ATM: variants seen among roughly 807,000 people sequenced by gnomAD.
ATM encodes the protein serine-protein kinase ATM.
In ATM, 308 loss-of-function variants were observed where a neutral mutation model predicts 387.0. The ratio of observed to expected loss-of-function variants is 0.80; its 90% CI spans 0.73 to 0.87. ATM has a LOEUF of 0.87. ATM is among the 40% of genes least tolerant of loss of function. The pLI is 0.00. For missense variants in ATM, 3,312 were observed against 3,560.9 expected (o/e 0.93, Z 1.78); for synonymous variants, 1,156 against 1,187.3 (o/e 0.97, Z 0.54).
chr11:108,314,470 G>A (rs1359993231), intron 40 of ATM, among the ~76,000 whole-genome samples: 1 of 150,198 alleles, frequency 6.7e-6, no homozygotes, highest in Non-Finnish European at 1.5e-5. Flanking sequence ...TTTTTTTTAT[G>A]TGATATAAGC....
rs1057521911 is a variant in ATM at position 108,267,353 on chromosome 11, A to G, written c.2638+11A>G. On this transcript the variant is annotated intron_variant, in intron 17 of 62. Coordinates refer to ENST00000675843, the MANE Select transcript of ATM (RefSeq NM_000051.4). ...GCCAAAGTACCATAGGTAAATACATATTTACTACTTGGGATTTCTTTTACT... is the reference window on the plus strand; with the variant it reads ...GCCAAAGTACCATAGGTAAATACATGTTTACTACTTGGGATTTCTTTTACT... 4.3e-6 allele frequency: 7 copies of G among 1,612,814 alleles called. No homozygotes were observed. Among genetic ancestry groups the G allele is most frequent in the East Asian group, 4.5e-5 (2 of 44,846 alleles).
chr11:108,279,937 A>T lies in ATM; in HGVS notation c.3402+329A>T, dbSNP rs11212579. ...AAGCTAATTAAGGGAACAGGTGACA[A>T]TGGGAAGAAATGGATTGAGGAGAAG... is the stretch of plus-strand genomic sequence containing the variant. On this transcript the variant is annotated intron_variant, in intron 23 of 62. Transcript: ENST00000675843. Among the ~76,000 whole-genome samples the T allele has an allele frequency of 0.52, 79,545 of 152,054 alleles. 21,675 individuals are homozygous for T. Among genetic ancestry groups the T allele is most frequent in the Middle Eastern group, 0.73 (215 of 294 alleles).
In ATM at chr11:108,366,719, A is replaced by C. The variant is rs926586432; in HGVS notation, c.*1211A>C. On this transcript the variant is annotated 3_prime_UTR_variant, in exon 63 of 63. Coordinates refer to ENST00000675843, the MANE Select transcript of ATM (RefSeq NM_000051.4). ...GATAGGAGATTTCCCAGGCCAAGGC[A>C]AACACACTTCCTCCTCATCTCCTTG... 4.3e-6 allele frequency: 1 copy of C among 231,256 alleles called. No individual in the cohort carries two copies. Among genetic ancestry groups the C allele is most frequent in the African/African-American group, 2.2e-5 (1 of 45,240 alleles). The allele number at this position is 231,256 out of a possible 1,614,324, so 14.3% of individuals were successfully genotyped here.
chr11:108,349,392 C>T (rs368592120), intron 59 of ATM, among the ~76,000 whole-genome samples: 11 of 151,568 alleles, frequency 7.3e-5, no homozygotes, highest in South Asian at 2.1e-4. Context: ...CTGCCAGGCG[C>T]GGTGGATCAC....
chr11:108,312,548 G>A (rs1473913814), intron 40 of ATM, 50 bp downstream of exon 40: 2 of 1,385,450 alleles, frequency 1.4e-6, no homozygotes, highest in African/African-American at 2.9e-5. Context: ...CTCATACTTT[G>A]GGTTATTTTG....
rs762557654 is a variant in ATM, at chr11:108,248,973, C to T, written c.1106C>T (p.Ser369Phe). Reference protein sequence around the residue: ...EDTRSLEISQSYTTTQRESSD... With the variant: ...EDTRSLEISQFYTTTQRESSD... ...ACCAGATCCTTGGAGATTTCTCAAT[C>T]TTACACTACTACACAAAGAGAATCT... The change falls in exon 9 of 63, where the codon TCT becomes TTT. Residue 369 changes from serine (S) to phenylalanine (F), a missense_variant. Physicochemically the swap from Ser to Phe is radical, Grantham distance 155 (BLOSUM62 -2). Coordinates refer to ENST00000675843, the MANE Select transcript of ATM (RefSeq NM_000051.4). 3 of 1,612,002 alleles carry T rather than the reference C, an allele frequency of 1.9e-6. No individual in the cohort carries two copies. The highest frequency in any genetic ancestry group is 8.5e-7 in the Non-Finnish European group (1 of 1,178,438).
rs1433672958 is a variant in ATM at position 108,289,751 on chromosome 11, C to A, written c.4386C>A (p.Ala1462=). 2 of 1,613,604 alleles carry A rather than the reference C, an allele frequency of 1.2e-6. No individual in the cohort carries two copies. The highest frequency in any genetic ancestry group is 2.2e-5 in the South Asian group (2 of 91,046). ...DIKSGLGGAW[A]FVLRDVIYTL... ...AAAGTGGCTTAGGAGGAGCTTGGGC[C>A]TTTGTTCTTCGAGACGTTATTTATA... The change falls in exon 29 of 63, where the codon GCC becomes GCA. Residue 1462 remains alanine, a synonymous_variant. Coordinates refer to ENST00000675843, the MANE Select transcript of ATM (RefSeq NM_000051.4).
chr11:108,302,476 C>A (rs1406330504), intron 35 of ATM, among the ~76,000 whole-genome samples: 1 of 151,822 alleles, frequency 6.6e-6, no homozygotes, highest in Non-Finnish European at 1.5e-5. Context: ...AATAATATAA[C>A]CTGGAAGGCA....
chr11:108,251,117 C>G (rs369938388), intron 10 of ATM, 45 bp downstream of exon 10: 1 of 1,610,980 alleles, frequency 6.2e-7, no homozygotes. Context: ...TAAACACACA[C>G]AGACACACAC....
intron 26 of ATM, among the ~76,000 whole-genome samples, chr11:108,285,205 C>T (rs2082430152): frequency 6.6e-6 from 1 of 152,136 alleles, no homozygotes; most frequent in Non-Finnish European, 1.5e-5. Context: ...GGTGATCTTC[C>T]CACCTCAGCC....
chr11:108,316,738 T>C (rs563085630), intron 42 of ATM, among the ~76,000 whole-genome samples: 360 of 127,294 alleles, frequency 2.8e-3, no homozygotes, highest in Non-Finnish European at 4.3e-3. Context: ...TGAAACCCCG[T>C]CTCTACTAAA....
chr11:108,303,122 C>T, intron 36 of ATM, 93 bp downstream of exon 36: 3 of 1,212,170 alleles, frequency 2.5e-6, no homozygotes, highest in Non-Finnish European at 3.5e-6. Flanking sequence ...CACATAATAT[C>T]ACCCCCACTC....
intron 22 of ATM, among the ~76,000 whole-genome samples, chr11:108,278,543 G>T (rs1239227653): frequency 3.9e-5 from 6 of 152,114 alleles, no homozygotes; most frequent in Non-Finnish European, 8.8e-5. Flanking sequence ...CCTGAGGCTG[G>T]ATATTTACAA....
intron 5 of ATM, among the ~76,000 whole-genome samples, chr11:108,238,393 A>G (rs1473071297): frequency 2.0e-5 from 3 of 151,966 alleles, no homozygotes; most frequent in Non-Finnish European, 4.4e-5. Flanking sequence ...CTCAAGTGAT[A>G]CCCTTCCCTT....
rs1175615935 is a variant in ATM at position 108,367,200 on chromosome 11, G to C, written c.*1692G>C. 5.6e-6 allele frequency: 1 copy of C among 178,092 alleles called. No homozygotes were observed. Among genetic ancestry groups the C allele is most frequent in the African/African-American group, 2.4e-5 (1 of 42,232 alleles). 11.0% of individuals were successfully genotyped at this position (178,092 alleles called of 1,614,324 possible). ...GACGGAGTTTCACCGTGTTAGCCAG[G>C]ATGGTCTCGATCGCTTGACCTCGTG... is the stretch of plus-strand genomic sequence containing the variant. On this transcript the variant is annotated 3_prime_UTR_variant, in exon 63 of 63. Transcript: ENST00000675843.
At chr11:108,337,845 A>G (rs2087023036) in intron 56 of ATM, among the ~76,000 whole-genome samples, 1 of 152,266 alleles carries the variant, frequency 6.6e-6, no homozygotes, top group Non-Finnish European at 1.5e-5. Context: ...TATGGGCTAT[A>G]GGAGCACCTC....
intron 5 of ATM, among the ~76,000 whole-genome samples, chr11:108,237,465 C>T (rs1390538380): frequency 6.6e-6 from 1 of 151,844 alleles, no homozygotes; most frequent in African/African-American, 2.4e-5. Flanking sequence ...ACTACTCTTA[C>T]TTCTTTTTTT....
intron 29 of ATM, among the ~76,000 whole-genome samples, chr11:108,292,241 G>T (rs1190095630): frequency 1.3e-5 from 2 of 152,186 alleles, no homozygotes; most frequent in East Asian, 3.8e-4. Flanking sequence ...TGTGATTGTT[G>T]CCACGCTGGG....
At chr11:108,334,826 G>A (rs557160192) in intron 54 of ATM, 143 bp from the exon 55 acceptor site, 5 of 931,524 alleles carry the variant, frequency 5.4e-6, no homozygotes, top group African/African-American at 5.0e-5. Context: ...CACCACACCC[G>A]GCCTAAAGTT....
Sources: gnomAD v4.1 joint callset for allele counts (sites outside exome capture counted in the v4.1 genomes callset) on GRCh38, gnomAD v4.1.1 for gene constraint, MANE v1.5 for transcripts, NCBI Gene and HGNC (gene_info 2026-07-23, HGNC 2026-07-21) for gene names.